COL4A1: variants seen among roughly 807,000 people sequenced by gnomAD.
The protein encoded by COL4A1 is collagen alpha-1(IV) chain.
In COL4A1, 40 loss-of-function variants were observed where a neutral mutation model predicts 216.6. The observed-to-expected ratio is 0.18, with a 90% CI of 0.14 to 0.24. The LOEUF is 0.24. COL4A1 is among the 10% of genes least tolerant of loss of function. COL4A1 has a pLI of 1.00. For missense variants in COL4A1, 1,628 were observed against 2,196.8 expected (o/e 0.74, Z 5.18); for synonymous variants, 839 against 810.7 (o/e 1.03, Z -0.59).
chr13:110,294,121 C>T (rs1884183051), intron 1 of COL4A1, among the ~76,000 whole-genome samples: 1 of 152,142 alleles, frequency 6.6e-6, no homozygotes, highest in African/African-American at 2.4e-5. Context: ...TTTCTTGGTG[C>T]TGCCATACAT....
chr13:110,185,992 T>C (rs180711082), intron 26 of COL4A1, among the ~76,000 whole-genome samples: 8 of 152,258 alleles, frequency 5.3e-5, no homozygotes, highest in South Asian at 2.1e-4. Flanking sequence ...CTGCCGACTG[T>C]GAAGAGGTGG....
intron 2 of COL4A1, among the ~76,000 whole-genome samples, chr13:110,238,619 G>A (rs7989549): frequency 0.2 from 30,024 of 152,188 alleles, 3,400 homozygotes; most frequent in African/African-American, 0.3. Context: ...CCTGGAATGT[G>A]ATGGTTTACT....
intron 1 of COL4A1, among the ~76,000 whole-genome samples, chr13:110,272,238 G>GA (rs1260898808): frequency 1.3e-5 from 2 of 152,102 alleles, no homozygotes; most frequent in East Asian, 1.9e-4. Flanking sequence ...CAGTAACTCA[G>GA]AAAAAATGAA....
In COL4A1 at chr13:110,212,403, G is replaced by C; in HGVS notation, c.387+14C>G. ...AAACACACACAAAAAGGAGGGTCTC[G>C]GTTCTGGATTTACCTTTGTGCCATT... On this transcript the variant is annotated intron_variant, in intron 6 of 51. Transcript: ENST00000375820. 6.2e-7 allele frequency: 1 copy of C among 1,613,070 alleles called. No individual in the cohort carries two copies. The highest frequency in any genetic ancestry group is 1.1e-5 in the South Asian group (1 of 91,034).
At chr13:110,266,339 G>GGAGTAGT in intron 1 of COL4A1, among the ~76,000 whole-genome samples, 1 of 152,214 alleles carries the variant, frequency 6.6e-6, no homozygotes, top group Non-Finnish European at 1.5e-5. Context: ...AGACGGACGT[G>GGAGTAGT]TCACAACCCG....
rs781485997 is a variant in COL4A1 at position 110,176,395 on chromosome 13, TAAAGAATCCTCTTCTA to T, written c.3058+13_3058+28del. On this transcript the variant is annotated intron_variant, in intron 36 of 51. Coordinates refer to ENST00000375820, the MANE Select transcript of COL4A1 (RefSeq NM_001845.6). ...CTACCAGTATCACACGCACACATGC[TAAAGAATCCTCTTCTA>T]AATCCAGTTTACCTGGCAAGCCCAT... 2 of 1,487,502 alleles carry T rather than the reference TAAAGAATCCTCTTCTA, an allele frequency of 1.3e-6. No individual in the cohort carries two copies. Among genetic ancestry groups the T allele is most frequent in the South Asian group, 2.3e-5 (2 of 88,514 alleles). 92.1% of individuals were successfully genotyped at this position (1,487,502 alleles called of 1,614,324 possible).
At chr13:110,187,894 C>T (rs937449443) in intron 24 of COL4A1, among the ~76,000 whole-genome samples, 4 of 152,312 alleles carry the variant, frequency 2.6e-5, no homozygotes, top group Non-Finnish European at 5.9e-5. Flanking sequence ...CTTTTATGCT[C>T]ATGCCCAGAA....
intron 39 of COL4A1, 45 bp from the exon 40 acceptor site, chr13:110,174,043 G>A: frequency 6.3e-7 from 1 of 1,599,194 alleles, no homozygotes; most frequent in South Asian, 1.1e-5. Flanking sequence ...ACCTCTCACA[G>A]CACCCTAGCT....
intron 1 of COL4A1, among the ~76,000 whole-genome samples, chr13:110,253,089 T>TGTATTACATATACATATAACTATATGTAC (rs1882242804): frequency 8.4e-6 from 1 of 118,906 alleles, no homozygotes; most frequent in Non-Finnish European, 1.8e-5. Flanking sequence ...TAAGTACGTA[T>TGTATTACATATACATATAACTATATGTAC]GTATTACATA....
At chr13:110,282,722 G>C (rs1019854163) in intron 1 of COL4A1, among the ~76,000 whole-genome samples, 1 of 152,178 alleles carries the variant, frequency 6.6e-6, no homozygotes, top group Non-Finnish European at 1.5e-5. Flanking sequence ...TGGCATCCCT[G>C]CTGTGCCTAC....
chr13:110,217,109 C>T (rs572024445), intron 2 of COL4A1, among the ~76,000 whole-genome samples: 14 of 152,222 alleles, frequency 9.2e-5, no homozygotes, highest in African/African-American at 1.9e-4. Context: ...AAAGTGCACA[C>T]GAATAATCTA....
intron 1 of COL4A1, among the ~76,000 whole-genome samples, chr13:110,255,406 C>T (rs1383193478): frequency 3.3e-5 from 5 of 149,820 alleles, no homozygotes; most frequent in Admixed American, 1.3e-4. Flanking sequence ...GCAGGGCAGC[C>T]GCAAGAAGGC....
rs759766371 is a variant in COL4A1 at position 110,192,184 on chromosome 13, A to G, written c.1536+30T>C. 6.8e-6 allele frequency: 11 copies of G among 1,609,128 alleles called. No homozygotes were observed. The Admixed American group carries it at 1.8e-4, about 27-fold the overall frequency. Reference sequence around the variant, plus strand: ...CACGTGCTTGGTGGCAACTTCTGATATGTACATGAACTCAGACAGGTTTAC... The same window carrying G: ...CACGTGCTTGGTGGCAACTTCTGATGTGTACATGAACTCAGACAGGTTTAC... On this transcript the variant is annotated intron_variant, in intron 24 of 51. Coordinates refer to ENST00000375820, the MANE Select transcript of COL4A1 (RefSeq NM_001845.6).
chr13:110,306,884 C>T, intron 1 of COL4A1, 60 bp downstream of exon 1: 1 of 1,395,844 alleles, frequency 7.2e-7, no homozygotes, highest in Admixed American at 2.8e-5. Context: ...GACAAAGGGG[C>T]CTCTCGGGGC....
intron 2 of COL4A1, among the ~76,000 whole-genome samples, chr13:110,238,683 T>C (rs1310843632): frequency 1.3e-5 from 2 of 152,334 alleles, no homozygotes; most frequent in South Asian, 4.1e-4. Context: ...AACTTTAAAT[T>C]CCCTTTTTTG....
At chr13:110,198,662 C>A (rs750856133) in intron 20 of COL4A1, 31 bp from the exon 21 acceptor site, 1 of 1,613,612 alleles carries the variant, frequency 6.2e-7, no homozygotes, top group South Asian at 1.1e-5. Flanking sequence ...ACATCAGTAA[C>A]CTCAGGGCCA....
chr13:110,209,036 A>G, intron 11 of COL4A1, 146 bp from the exon 12 acceptor site: 1 of 892,776 alleles, frequency 1.1e-6, no homozygotes, highest in African/African-American at 1.7e-5. Flanking sequence ...CTGGAAAGTA[A>G]CGATCATGCT....
Position 110,167,218 on chromosome 13 carries a change from A to G in COL4A1, c.3889T>C (p.Ser1297Pro). The change falls in exon 44 of 52, where the codon TCT becomes CCT. Residue 1297 changes from serine to proline, a missense_variant. Transcript: ENST00000375820. ...CCCTTAGAGCCTGTGATTCCTGGAG[A>G]GCCACCAATACCCTAGACACGCAAA... is the stretch of plus-strand genomic sequence containing the variant. The part of the protein sequence containing the change: ...GFQGMPGIGG[S>P]PGITGSKGDM... 1 of 1,613,810 alleles carries G rather than the reference A, an allele frequency of 6.2e-7. No homozygotes were observed. Among genetic ancestry groups the G allele is most frequent in the Non-Finnish European group, 8.5e-7 (1 of 1,179,744 alleles).
rs542238037 is a variant in COL4A1 at position 110,209,773 on chromosome 13, C to T, written c.615+207G>A. ...TGTTTCAGGGTATCAGTTTATGGTA[C>T]TATCATCATCCCTTTCCCACAGCTC... is the stretch of plus-strand genomic sequence containing the variant. On this transcript the variant is annotated intron_variant, in intron 10 of 51. Coordinates refer to ENST00000375820, the MANE Select transcript of COL4A1 (RefSeq NM_001845.6). The T allele has an allele frequency of 6.4e-6, 5 of 780,398 alleles. No individual in the cohort carries two copies. In the African/African-American group the frequency reaches 6.7e-5, roughly 11 times the overall value. 48.3% of individuals were successfully genotyped at this position (780,398 alleles called of 1,614,324 possible).
Sources: gnomAD v4.1 joint callset for allele counts (sites outside exome capture counted in the v4.1 genomes callset) on GRCh38, gnomAD v4.1.1 for gene constraint, MANE v1.5 for transcripts, NCBI Gene and HGNC (gene_info 2026-07-23, HGNC 2026-07-21) for gene names.